PDZD7: variants seen among roughly 807,000 people sequenced by gnomAD.
PDZD7 encodes PDZ domain containing 7, also known as PDZ domain-containing protein 7.
PDZD7 carries 72 observed loss-of-function variants against 84.7 expected under a neutral mutation model. The ratio of observed to expected loss-of-function variants is 0.85; its 90% CI spans 0.70 to 1.03. PDZD7 has a LOEUF of 1.03. Among genes scored for constraint, PDZD7 ranks in the 50% least tolerant of loss-of-function variants. PDZD7 has a pLI of 0.00. For missense variants in PDZD7, 1,490 were observed against 1,412.9 expected, an observed-to-expected ratio of 1.05 and a Z score of -0.87; for synonymous variants, 594 against 580.7, an observed-to-expected ratio of 1.02 and a Z score of -0.33.
At chr10:101,018,397 GGCAGACAGGATCTGCAGCTAC>G in intron 8 of PDZD7, 101 bp from the exon 9 acceptor site, 1 of 1,297,290 alleles carries the variant, frequency 7.7e-7, no homozygotes, top group Admixed American at 1.9e-5. Context: ...GAGAGGAGAG[GGCAGACAGGATCTGCAGCTAC>G]GCCGGGGTGA....
chr10:101,007,689 A>G lies in PDZD7; in HGVS notation c.*778T>C. The G allele has an allele frequency of 9.5e-7, 1 of 1,049,562 alleles. No homozygotes were observed. The highest frequency in any genetic ancestry group is 1.2e-6 in the Non-Finnish European group (1 of 860,438). 65.0% of individuals were successfully genotyped at this position (1,049,562 alleles called of 1,614,324 possible). A position where few individuals can be genotyped will look rare whatever the true frequency, so the allele number is the denominator to read the frequency against. Reference sequence around the variant, plus strand: ...GTCAGACCAAAGGAAGAACTCAGAAATGTCTTGTTTATTTGTGTTTGTGAC... The same window carrying G: ...GTCAGACCAAAGGAAGAACTCAGAAGTGTCTTGTTTATTTGTGTTTGTGAC... On this transcript the variant is annotated 3_prime_UTR_variant, in exon 17 of 17. Coordinates refer to ENST00000619208, the MANE Select transcript of PDZD7 (RefSeq NM_001195263.2).
chr10:101,010,176 T>C, intron 15 of PDZD7, 96 bp downstream of exon 15: 1 of 1,408,430 alleles, frequency 7.1e-7, no homozygotes, highest in Non-Finnish European at 9.3e-7. Context: ...GTTACAGGTG[T>C]GAGCCTCTGC....
intron 9 of PDZD7, chr10:101,017,892 A>AAAGAAAGAAAGAAAGATAGAAAGAAAG (rs71013483): frequency 7.8e-6 from 1 of 128,188 alleles, no homozygotes; most frequent in Non-Finnish European, 1.7e-5. Context: ...AGAAAGAAAG[A>AAAGAAAGAAAGAAAGATAGAAAGAAAG]AAAGAAAGAA....
chr10:101,029,967 AGGCC>A, intron 2 of PDZD7, 23 bp downstream of exon 2: 1 of 788,012 alleles, frequency 1.3e-6, no homozygotes, highest in Non-Finnish European at 2.1e-6. Context: ...TCCCCAACCC[AGGCC>A]AGTGGCTGGG....
In PDZD7 at chr10:101,030,301, T is replaced by TC. The variant is rs776908376; in HGVS notation, c.-83dup. ...GAGGCCAGCCCTGCGTGCTTCGAGCTCCATGAGCCTCTGTGCGGGGCTGGG... is the reference window on the plus strand; with the variant it reads ...GAGGCCAGCCCTGCGTGCTTCGAGCTCCCATGAGCCTCTGTGCGGGGCTGGG... On this transcript the variant is annotated 5_prime_UTR_variant, in exon 2 of 17. It introduces an in-frame stop codon into an upstream open reading frame of the 5' UTR. Transcript: ENST00000619208. The TC allele has an allele frequency of 1.6e-6, 2 of 1,221,854 alleles. No individual in the cohort carries two copies. The highest frequency in any genetic ancestry group is 3.0e-5 in the African/African-American group (2 of 66,868). 75.7% of individuals were successfully genotyped at this position (1,221,854 alleles called of 1,614,324 possible). A position where few individuals can be genotyped will look rare whatever the true frequency, so the allele number is the denominator to read the frequency against.
Position 101,010,901 on chromosome 10 carries a change from G to A in PDZD7, c.2006-18C>T. The A allele has an allele frequency of 3.3e-6, 5 of 1,525,850 alleles. No individual in the cohort carries two copies. Among genetic ancestry groups the A allele is most frequent in the Non-Finnish European group, 4.4e-6 (5 of 1,145,800 alleles). 94.5% of individuals were successfully genotyped at this position (1,525,850 alleles called of 1,614,324 possible). Reference sequence around the variant, plus strand: ...GCGGCTGTCTGGGGAAGAGCGCCAAGGTCAGCTGCCCACTCCTCCCCTCTC... The same window carrying A: ...GCGGCTGTCTGGGGAAGAGCGCCAAAGTCAGCTGCCCACTCCTCCCCTCTC... On this transcript the variant is annotated intron_variant, in intron 14 of 16. Transcript: ENST00000619208.
At chr10:101,022,029 G>C in intron 5 of PDZD7, 84 bp from the exon 6 acceptor site, 1 of 1,576,332 alleles carries the variant, frequency 6.3e-7, no homozygotes, top group Non-Finnish European at 8.6e-7. Flanking sequence ...TTGGACACAA[G>C]ACTGCACCAG....
At position 101,023,996 on chromosome 10, in the gene PDZD7, C is replaced by T; in HGVS notation, c.299G>A (p.Ser100Asn). Residue 100 changes from serine (S) to asparagine (N), a missense_variant, in exon 3 of 17, where the codon AGC becomes AAC. By Grantham distance (46) the Ser-to-Asn change is conservative. Transcript: ENST00000619208. ...GCCATGCTCTGAGCCCCCGCGCACG[C>T]TGAAGCCCAGCCTCCCTGCTGGACT... ...EKSPAGRLGFSVRGGSEHGLG... is the reference protein window; with the variant it reads ...EKSPAGRLGFNVRGGSEHGLG... 6.2e-7 allele frequency: 1 copy of T among 1,614,272 alleles called. No individual in the cohort carries two copies. The highest frequency in any genetic ancestry group is 8.5e-7 in the Non-Finnish European group (1 of 1,180,044).
chr10:101,022,011 C>T (rs368019826), intron 5 of PDZD7, 66 bp from the exon 6 acceptor site: 6 of 1,592,212 alleles, frequency 3.8e-6, no homozygotes, highest in East Asian at 4.6e-5. Context: ...ACTCCAGACC[C>T]CCTTCTCTTG....
At chr10:101,015,962 C>T (rs1852607475) in intron 10 of PDZD7, among the ~76,000 whole-genome samples, 151 bp from the exon 11 acceptor site, 1 of 152,132 alleles carries the variant, frequency 6.6e-6, no homozygotes, top group South Asian at 2.1e-4. Context: ...GCAACCTGCC[C>T]ACCAATGCAG....
intron 2 of PDZD7, among the ~76,000 whole-genome samples, chr10:101,026,217 C>T (rs1210835280): frequency 1.3e-5 from 2 of 151,990 alleles, no homozygotes; most frequent in Non-Finnish European, 2.9e-5. Flanking sequence ...TCACTGCAAC[C>T]TCCACCTCCT....
Position 101,008,674 on chromosome 10 carries a change from AGTAAG to A in PDZD7, c.2890_2894del (p.Leu964Ter). On this transcript the variant is annotated frameshift_variant, in exon 17 of 17. Transcript: ENST00000619208. LOFTEE classifies it low-confidence loss of function (END_TRUNC). Reference sequence around the variant, plus strand: ...AGTGGTCAGCAGGAAGGCCCCCATCAGTAAGGGCTGATGAGTCAGAGGGTGAGGGC... The same window carrying A: ...AGTGGTCAGCAGGAAGGCCCCCATCAGGCTGATGAGTCAGAGGGTGAGGGC... 1 of 1,536,034 alleles carries A rather than the reference AGTAAG, an allele frequency of 6.5e-7. No individual in the cohort carries two copies. The highest frequency in any genetic ancestry group is 2.0e-5 in the Admixed American group (1 of 50,992).
intron 4 of PDZD7, 32 bp from the exon 5 acceptor site, chr10:101,022,417 TC>T (rs1564638159): frequency 6.2e-7 from 1 of 1,612,364 alleles, no homozygotes; most frequent in East Asian, 2.2e-5. Flanking sequence ...TCAGGTGGGG[TC>T]CTCCATCCAC....
At chr10:101,025,153 G>A (rs1431589766) in intron 2 of PDZD7, among the ~76,000 whole-genome samples, 1 of 152,218 alleles carries the variant, frequency 6.6e-6, no homozygotes, top group Non-Finnish European at 1.5e-5. Context: ...GACAGAGGCA[G>A]ATTTTGTAAG....
At chr10:101,011,090 A>C in intron 14 of PDZD7, 4 of 1,415,118 alleles carry the variant, frequency 2.8e-6, no homozygotes, top group Non-Finnish European at 3.7e-6. Context: ...TCTGTTGCCC[A>C]GGCGTGGTGG....
chr10:101,025,143 G>C (rs1937619557), intron 2 of PDZD7, among the ~76,000 whole-genome samples: 1 of 152,194 alleles, frequency 6.6e-6, no homozygotes, highest in African/African-American at 2.4e-5. Context: ...AGTGGAATTA[G>C]ACAGAGGCAG....
intron 2 of PDZD7, among the ~76,000 whole-genome samples, chr10:101,028,577 C>T (rs909738857): frequency 6.8e-6 from 1 of 147,262 alleles, no homozygotes; most frequent in Non-Finnish European, 1.5e-5. Flanking sequence ...CTTGGGTGAG[C>T]GACAGAGCAA....
chr10:101,008,053 C>A lies in PDZD7; in HGVS notation c.*414G>T. 5.0e-6 allele frequency: 1 copy of A among 199,896 alleles called. No homozygotes were observed. Among genetic ancestry groups the A allele is most frequent in the Non-Finnish European group, 1.0e-5 (1 of 98,566 alleles). The allele number at this position is 199,896 out of a possible 1,614,324, so 12.4% of individuals were successfully genotyped here. ...GAAAAGCCTTTCATCCGTTTCCTTGCACAGAATGCTGCTTGGGGTTGAGGA... is the reference window on the plus strand; with the variant it reads ...GAAAAGCCTTTCATCCGTTTCCTTGAACAGAATGCTGCTTGGGGTTGAGGA... On this transcript the variant is annotated 3_prime_UTR_variant, in exon 17 of 17. Transcript: ENST00000619208.
At chr10:101,028,740 A>T (rs1937871582) in intron 2 of PDZD7, among the ~76,000 whole-genome samples, 1 of 152,216 alleles carries the variant, frequency 6.6e-6, no homozygotes, top group Non-Finnish European at 1.5e-5. Context: ...TAATAAAGAC[A>T]GTTATGCGGT....
Sources: gnomAD v4.1 joint callset for allele counts (sites outside exome capture counted in the v4.1 genomes callset) on GRCh38, gnomAD v4.1.1 for gene constraint, MANE v1.5 for transcripts, NCBI Gene and HGNC (gene_info 2026-07-23, HGNC 2026-07-21) for gene names.